The following SOX6 variants were observed in gnomAD, a reference collection of about 807,000 sequenced individuals.
SOX6 encodes transcription factor SOX-6.
Under a neutral mutation model 97.8 loss-of-function variants are expected in SOX6, and 11 were observed. That is an observed-to-expected ratio of 0.11 (90% confidence interval 0.07 to 0.19). The LOEUF (loss-of-function observed/expected upper bound fraction) is 0.19, where lower values mean the gene tolerates loss of function less well. SOX6 is among the 10% of genes least tolerant of loss of function. The pLI is 1.00. For missense variants in SOX6, 810 were observed against 1,039.5 expected, an observed-to-expected ratio of 0.78 and a Z score of 3.04; for synonymous variants, 360 against 371.4, an observed-to-expected ratio of 0.97 and a Z score of 0.35.
intron 4 of SOX6, among the ~76,000 whole-genome samples, chr11:16,507,863 A>C (rs10832626): frequency 6.6e-6 from 1 of 152,204 alleles, no homozygotes; most frequent in East Asian, 1.9e-4. Context: ...AATGGAAATG[A>C]AAACAAAAAT....
At chr11:16,308,449 C>A (rs1322610554) in intron 3 of SOX6, among the ~76,000 whole-genome samples, 1 of 152,126 alleles carries the variant, frequency 6.6e-6, no homozygotes, top group African/African-American at 2.4e-5. Flanking sequence ...TTATTAGACA[C>A]AACCTAATAA....
chr11:16,578,205 C>A (rs1848000956), intron 4 of SOX6, among the ~76,000 whole-genome samples: 2 of 152,010 alleles, frequency 1.3e-5, no homozygotes, highest in Admixed American at 6.6e-5. Context: ...TTGCTTGGCA[C>A]CCTTGTCGAA....
intron 4 of SOX6, among the ~76,000 whole-genome samples, chr11:16,592,891 C>A (rs985677544): frequency 1.3e-5 from 2 of 151,822 alleles, no homozygotes; most frequent in Non-Finnish European, 2.9e-5. Flanking sequence ...AATAATATAC[C>A]AAGGAACATG....
At chr11:16,555,377 C>T (rs1347764832) in intron 4 of SOX6, among the ~76,000 whole-genome samples, 2 of 151,394 alleles carry the variant, frequency 1.3e-5, no homozygotes, top group Non-Finnish European at 3.0e-5. Context: ...CAGGTGTTAT[C>T]GGTATTTAAG....
intron 4 of SOX6, among the ~76,000 whole-genome samples, chr11:16,554,341 C>G (rs546585307): frequency 6.6e-6 from 1 of 152,084 alleles, no homozygotes; most frequent in African/African-American, 2.4e-5. Context: ...AACAGAATGA[C>G]CTGGAATTTA....
intron 3 of SOX6, among the ~76,000 whole-genome samples, chr11:16,303,860 T>G (rs1306941892): frequency 6.6e-6 from 1 of 152,218 alleles, no homozygotes; most frequent in African/African-American, 2.4e-5. Context: ...TACCTAAGCA[T>G]ATCATTTTAT....
intron 1 of SOX6, among the ~76,000 whole-genome samples, chr11:16,343,930 T>A (rs141704911): frequency 1.6e-3 from 241 of 151,966 alleles, no homozygotes; most frequent in Non-Finnish European, 2.7e-3. Flanking sequence ...CAATATTAAA[T>A]CTGAGTGTTC....
intron 3 of SOX6, among the ~76,000 whole-genome samples, chr11:16,287,726 C>T (rs547292885): frequency 3.9e-5 from 6 of 152,028 alleles, no homozygotes; most frequent in African/African-American, 7.2e-5. Flanking sequence ...AAACTATGTA[C>T]GATTAGAGTA....
chr11:16,043,732 TC>T (rs529583748), intron 12 of SOX6, among the ~76,000 whole-genome samples: 21 of 152,154 alleles, frequency 1.4e-4, no homozygotes, highest in Non-Finnish European at 2.4e-4. Flanking sequence ...GCAGCACAGA[TC>T]CCCCCCTGCT....
chr11:16,612,548 G>T (rs937602296), intron 3 of SOX6, among the ~76,000 whole-genome samples: 1 of 130,740 alleles, frequency 7.6e-6, no homozygotes, highest in Non-Finnish European at 1.6e-5. Context: ...TTTTAGAAGG[G>T]TACTCACTTC....
intron 2 of SOX6, among the ~76,000 whole-genome samples, chr11:16,319,866 A>G (rs1031411426): frequency 2.0e-5 from 3 of 151,946 alleles, no homozygotes; most frequent in Non-Finnish European, 4.4e-5. Flanking sequence ...ATTTTACAAA[A>G]GGACAAGTTT....
At chr11:16,352,591 T>G (rs1856978516) in intron 1 of SOX6, among the ~76,000 whole-genome samples, 1 of 152,150 alleles carries the variant, frequency 6.6e-6, no homozygotes, top group African/African-American at 2.4e-5. Context: ...CCAGGGCAGA[T>G]GCTATTAGAA....
At chr11:16,350,141 A>T (rs530407358) in intron 1 of SOX6, among the ~76,000 whole-genome samples, 1 of 152,318 alleles carries the variant, frequency 6.6e-6, no homozygotes, top group South Asian at 2.1e-4. Context: ...AAATCCAGAC[A>T]TTAGAATAAT....
At chr11:16,562,337 C>T (rs1389942081) in intron 4 of SOX6, among the ~76,000 whole-genome samples, 2 of 152,048 alleles carry the variant, frequency 1.3e-5, no homozygotes, top group African/African-American at 2.4e-5. Context: ...GTTTTCTTTT[C>T]GCGTTGTGTA....
intron 3 of SOX6, among the ~76,000 whole-genome samples, chr11:16,282,106 TTCTC>T (rs1293231399): frequency 1.7e-4 from 25 of 150,694 alleles, no homozygotes; most frequent in Non-Finnish European, 2.7e-4. Flanking sequence ...TTGGGATACT[TTCTC>T]TCATAAATCT....
intron 1 of SOX6, among the ~76,000 whole-genome samples, chr11:16,367,613 G>A (rs1857391324): frequency 6.6e-6 from 1 of 152,094 alleles, no homozygotes; most frequent in Admixed American, 6.6e-5. Context: ...AACTTTCCCA[G>A]GAATTATAAA....
At chr11:16,492,192 T>TTTTG (rs1283757340) in intron 4 of SOX6, among the ~76,000 whole-genome samples, 9 of 152,254 alleles carry the variant, frequency 5.9e-5, no homozygotes, top group Admixed American at 5.9e-4. Context: ...AAAGACACCA[T>TTTTG]AAGAGAGTAA....
chr11:16,318,312 T>A, intron 3 of SOX6, 134 bp downstream of exon 3: 2 of 883,716 alleles, frequency 2.3e-6, no homozygotes, highest in South Asian at 2.8e-5. Context: ...CATAGTAACC[T>A]CTGAATAACT....
At chr11:16,433,705 A>G (rs78466324) in intron 1 of SOX6, among the ~76,000 whole-genome samples, 3,625 of 152,248 alleles carry the variant, frequency 0.024, 134 homozygotes, top group African/African-American at 0.082. Context: ...TAAACTAGTT[A>G]ATAAATTAAT....
Sources: gnomAD v4.1 joint callset for allele counts (sites outside exome capture counted in the v4.1 genomes callset) on GRCh38, gnomAD v4.1.1 for gene constraint, MANE v1.5 for transcripts, NCBI Gene and HGNC (gene_info 2026-07-23, HGNC 2026-07-21) for gene names.